Variants in ZFHX4 observed in about 807,000 individuals in gnomAD.
The protein encoded by ZFHX4 is zinc finger homeobox 4.
In ZFHX4, 56 loss-of-function variants were observed where a neutral mutation model predicts 267.6. The ratio of observed to expected loss-of-function variants is 0.21; its 90% CI spans 0.17 to 0.26. The LOEUF (loss-of-function observed/expected upper bound fraction) is 0.26. Among genes scored for constraint, ZFHX4 ranks in the 10% least tolerant of loss-of-function variants. The pLI is 1.00. For synonymous variants in ZFHX4, 1,778 were observed against 1,665.6 expected, an observed-to-expected ratio of 1.07 and a Z score of -1.64; for missense variants, 4,332 against 4,420.0, an observed-to-expected ratio of 0.98 and a Z score of 0.56.
At chr8:76,742,825 T>C (rs911005140) in intron 3 of ZFHX4, among the ~76,000 whole-genome samples, 2 of 152,278 alleles carry the variant, frequency 1.3e-5, no homozygotes, top group Non-Finnish European at 2.9e-5. Flanking sequence ...GAACTGGCAG[T>C]GACCAAAAGG....
At chr8:76,721,625 A>G (rs1326545901) in intron 3 of ZFHX4, among the ~76,000 whole-genome samples, 1 of 152,150 alleles carries the variant, frequency 6.6e-6, no homozygotes, top group Non-Finnish European at 1.5e-5. Flanking sequence ...TATATAACAC[A>G]TTTTTGTAGT....
intron 3 of ZFHX4, among the ~76,000 whole-genome samples, chr8:76,729,356 G>A (rs142354012): frequency 9.6e-4 from 146 of 152,198 alleles, no homozygotes; most frequent in Non-Finnish European, 1.8e-3. Context: ...GGTCCTGCTC[G>A]AATAATATTT....
At chr8:76,862,986 T>G in intron 10 of ZFHX4, 108 bp from the exon 11 acceptor site, 1 of 1,403,900 alleles carries the variant, frequency 7.1e-7, no homozygotes, top group Non-Finnish European at 9.2e-7. Context: ...AATACATCTT[T>G]TCTGATATAG....
chr8:76,689,992 T>C (rs929370110), intron 1 of ZFHX4, among the ~76,000 whole-genome samples: 1 of 151,986 alleles, frequency 6.6e-6, no homozygotes, highest in Non-Finnish European at 1.5e-5. Context: ...CCAAGAAAAG[T>C]TGTGAGGACG....
chr8:76,757,328 G>C (rs1356804706), intron 3 of ZFHX4, among the ~76,000 whole-genome samples: 1 of 152,164 alleles, frequency 6.6e-6, no homozygotes, highest in Non-Finnish European at 1.5e-5. Context: ...TAAATGTGCA[G>C]AAGTGAGAAC....
At chr8:76,782,675 T>C (rs1174556410) in intron 4 of ZFHX4, among the ~76,000 whole-genome samples, 2 of 152,010 alleles carry the variant, frequency 1.3e-5, no homozygotes, top group African/African-American at 4.8e-5. Context: ...TCCTGACATT[T>C]GGCATGATGT....
chr8:76,799,999 A>C (rs1224625915), intron 4 of ZFHX4, among the ~76,000 whole-genome samples: 1 of 152,134 alleles, frequency 6.6e-6, no homozygotes, highest in Non-Finnish European at 1.5e-5. Flanking sequence ...ACACTGTTGC[A>C]GTTCGTCCTT....
At chr8:76,726,758 A>G (rs1257159220) in intron 3 of ZFHX4, among the ~76,000 whole-genome samples, 2 of 152,184 alleles carry the variant, frequency 1.3e-5, no homozygotes, top group African/African-American at 4.8e-5. Context: ...TGACTATGAA[A>G]GGGCAATATT....
intron 1 of ZFHX4, among the ~76,000 whole-genome samples, chr8:76,698,787 A>G (rs1158394498): frequency 6.6e-6 from 1 of 152,142 alleles, no homozygotes; most frequent in Non-Finnish European, 1.5e-5. Flanking sequence ...AAAATGCTGA[A>G]TATATTTGGT....
chr8:76,698,703 A>G (rs1808021540), intron 1 of ZFHX4, among the ~76,000 whole-genome samples: 2 of 152,200 alleles, frequency 1.3e-5, no homozygotes, highest in Non-Finnish European at 2.9e-5. Context: ...GAAAACAGAG[A>G]AAAACGACTT....
At chr8:76,718,385 G>T (rs1327602374) in intron 3 of ZFHX4, among the ~76,000 whole-genome samples, 1 of 152,124 alleles carries the variant, frequency 6.6e-6, no homozygotes, top group African/African-American at 2.4e-5. Context: ...CTTTTGAGAA[G>T]AAATGTGTCT....
chr8:76,748,871 TAGAAATCCC>T (rs1326217838), intron 3 of ZFHX4, among the ~76,000 whole-genome samples: 11 of 152,330 alleles, frequency 7.2e-5, no homozygotes, highest in Admixed American at 2.0e-4. Context: ...CATTTTTGCT[TAGAAATCCC>T]AGTCGTTCCC....
At chr8:76,710,393 A>T (rs752295096) in intron 3 of ZFHX4, among the ~76,000 whole-genome samples, 17 of 152,200 alleles carry the variant, frequency 1.1e-4, no homozygotes, top group Non-Finnish European at 2.5e-4. Context: ...AGTAATGAGG[A>T]TATTAGCAAG....
intron 4 of ZFHX4, among the ~76,000 whole-genome samples, chr8:76,801,049 A>G (rs1264528131): frequency 6.6e-6 from 1 of 152,160 alleles, no homozygotes; most frequent in Non-Finnish European, 1.5e-5. Context: ...CCTCATTTGA[A>G]AGCAGTTTCC....
rs760758194 is a variant in ZFHX4 at position 76,778,292 on chromosome 8, T to C, written c.3178T>C (p.Leu1060=). The change falls in exon 4 of 11, where the codon TTG becomes CTG. Residue 1060 remains leucine (L), a synonymous_variant. Coordinates refer to ENST00000651372, the MANE Select transcript of ZFHX4 (RefSeq NM_024721.5). ...GTGTGATTACACCACCAAGGTCAAG[T>C]TGAATCTGGTACAACATGTCCGTTC... ...AVCDYTTKVK[L]NLVQHVRSVK... 1 of 1,613,864 alleles carries C rather than the reference T, an allele frequency of 6.2e-7. No homozygotes were observed. The highest frequency in any genetic ancestry group is 1.7e-5 in the Admixed American group (1 of 60,008).
intron 4 of ZFHX4, among the ~76,000 whole-genome samples, chr8:76,789,711 G>A (rs571830650): frequency 6.6e-6 from 1 of 152,146 alleles, no homozygotes; most frequent in South Asian, 2.1e-4. Context: ...TTTGTGTAGG[G>A]TTTTAAAAGT....
In ZFHX4 at chr8:76,707,872, C is replaced by T. The variant is rs762538147; in HGVS notation, c.2917C>T (p.Leu973=). The T allele has an allele frequency of 9.9e-6, 16 of 1,613,954 alleles. No homozygotes were observed. Among genetic ancestry groups the T allele is most frequent in the Non-Finnish European group, 1.4e-5 (16 of 1,179,964 alleles). Residue 973 remains leucine (L), a synonymous_variant, in exon 3 of 11, where the codon CTG becomes TTG. Coordinates refer to ENST00000651372, the MANE Select transcript of ZFHX4 (RefSeq NM_024721.5). Reference sequence around the variant, plus strand: ...TGATAAACATATGCAGAAATATCAACTGGTGGCTCACATTAAAGAAGGGGG... The same window carrying T: ...TGATAAACATATGCAGAAATATCAATTGGTGGCTCACATTAAAGAAGGGGG... The part of the protein sequence containing the change: ...KTDKHMQKYQ[L]VAHIKEGGKS...
intron 3 of ZFHX4, among the ~76,000 whole-genome samples, chr8:76,750,046 C>T (rs989335194): frequency 6.6e-6 from 1 of 152,096 alleles, no homozygotes; most frequent in Non-Finnish European, 1.5e-5. Flanking sequence ...TTCTAAATCC[C>T]TATGTTTTGT....
At chr8:76,821,423 A>G (rs896374482) in intron 4 of ZFHX4, among the ~76,000 whole-genome samples, 15 of 151,758 alleles carry the variant, frequency 9.9e-5, no homozygotes, top group African/African-American at 3.6e-4. Flanking sequence ...CCAATCAGGG[A>G]CTCTGTTGAC....
Sources: allele counts gnomAD v4.1 joint callset (sites outside exome capture counted in the v4.1 genomes callset), GRCh38; gene constraint gnomAD v4.1.1; transcripts MANE v1.5; gene names NCBI Gene and HGNC (gene_info 2026-07-23, HGNC 2026-07-21).